CTNNA2: variants seen among roughly 807,000 people sequenced by gnomAD.
The protein encoded by CTNNA2 is catenin alpha 2, also known as catenin alpha-2.
CTNNA2 carries 42 observed loss-of-function variants against 101.0 expected under a neutral mutation model. The observed-to-expected ratio is 0.42, with a 90% CI of 0.32 to 0.54. The LOEUF is 0.54. Ranked by LOEUF, CTNNA2 falls within the 20% of genes least tolerant of loss-of-function variation. CTNNA2 has a pLI of 0.14. For synonymous variants in CTNNA2, 450 were observed against 456.4 expected (o/e 0.99, Z 0.18); for missense variants, 871 against 1,223.1 (o/e 0.71, Z 4.29).
intron 4 of CTNNA2, among the ~76,000 whole-genome samples, chr2:79,415,874 C>G (rs1227826021): frequency 6.6e-6 from 1 of 152,028 alleles, no homozygotes; most frequent in East Asian, 1.9e-4. Flanking sequence ...ATCAGTCTTA[C>G]AATTGGGGAA....
chr2:79,338,805 A>T (rs532133574), intron 3 of CTNNA2, among the ~76,000 whole-genome samples: 224 of 152,128 alleles, frequency 1.5e-3, no homozygotes, highest in African/African-American at 5.2e-3. Flanking sequence ...GGAGTGGTAA[A>T]ATCAACAGGA....
intron 7 of CTNNA2, among the ~76,000 whole-genome samples, chr2:80,244,319 TA>T (rs1671163180): frequency 6.6e-6 from 1 of 152,226 alleles, no homozygotes; most frequent in African/African-American, 2.4e-5. Context: ...AAATCTACCT[TA>T]GACGATTCTT....
intron 12 of CTNNA2, 102 bp from the exon 13 acceptor site, chr2:80,574,056 CACTTA>C: frequency 8.9e-7 from 1 of 1,121,468 alleles, no homozygotes. Context: ...TGTCTTGCTC[CACTTA>C]ACTTTTAGAA....
chr2:79,559,826 TACTA>T (rs1207055016), intron 1 of CTNNA2, among the ~76,000 whole-genome samples: 3 of 151,834 alleles, frequency 2.0e-5, no homozygotes, highest in African/African-American at 7.2e-5. Context: ...GATAAAATAA[TACTA>T]ACTATAACGA....
intron 2 of CTNNA2, among the ~76,000 whole-genome samples, chr2:79,278,216 T>C (rs1325787400): frequency 6.6e-6 from 1 of 152,082 alleles, no homozygotes; most frequent in Non-Finnish European, 1.5e-5. Flanking sequence ...TTACAGGAAC[T>C]GGCAAGAATG....
chr2:80,320,186 AACATAAAGTGAT>A (rs1284529103), intron 7 of CTNNA2, among the ~76,000 whole-genome samples: 1 of 152,250 alleles, frequency 6.6e-6, no homozygotes, highest in Non-Finnish European at 1.5e-5. Flanking sequence ...TAAGAAAATA[AACATAAAGTGAT>A]ACATACACAG....
At chr2:79,675,467 G>A (rs916780868) in intron 2 of CTNNA2, among the ~76,000 whole-genome samples, 4 of 152,128 alleles carry the variant, frequency 2.6e-5, no homozygotes, top group African/African-American at 4.8e-5. Flanking sequence ...AAACACTTTC[G>A]GGGGCTTGGG....
At chr2:79,395,578 T>C (rs550188533) in intron 4 of CTNNA2, among the ~76,000 whole-genome samples, 49 of 152,310 alleles carry the variant, frequency 3.2e-4, no homozygotes, top group African/African-American at 1.2e-3. Flanking sequence ...AATTTCTTAC[T>C]TTTCCATTAA....
At chr2:79,749,365 A>C (rs926059784) in intron 3 of CTNNA2, among the ~76,000 whole-genome samples, 5 of 152,288 alleles carry the variant, frequency 3.3e-5, no homozygotes, top group Middle Eastern at 3.4e-3. Flanking sequence ...AAGTAACAAA[A>C]ATAAATTGCC....
At chr2:79,882,153 TAG>T (rs1683478658) in intron 6 of CTNNA2, among the ~76,000 whole-genome samples, 1 of 152,178 alleles carries the variant, frequency 6.6e-6, no homozygotes, top group Admixed American at 6.5e-5. Context: ...TTCTGGCTTG[TAG>T]AGTTTCTGCT....
chr2:79,870,748 G>C (rs1682525109), intron 5 of CTNNA2, among the ~76,000 whole-genome samples: 3 of 152,146 alleles, frequency 2.0e-5, no homozygotes, highest in African/African-American at 7.2e-5. Flanking sequence ...GAGTGAGCAA[G>C]AGCAGGGAAA....
chr2:79,813,679 T>G (rs1677227160), intron 3 of CTNNA2, among the ~76,000 whole-genome samples: 1 of 152,140 alleles, frequency 6.6e-6, no homozygotes, highest in South Asian at 2.1e-4. Context: ...ATAATTTAAA[T>G]CACAGGAGCA....
rs1038534765 is a variant in CTNNA2 at position 79,416,646 on chromosome 2, C to T, written c.-135+42633C>T. ...CTTAATATAAAAACTCACTTACTTC[C>T]GGAAGGAATTAATCCTTGTCAATAA... is the stretch of plus-strand genomic sequence containing the variant. On this transcript the variant is annotated intron_variant, in intron 4 of 21. Coordinates refer to the CTNNA2 transcript ENST00000466387. Among the ~76,000 whole-genome samples, 4 of 152,098 alleles carry T rather than the reference C, an allele frequency of 2.6e-5. No individual in the cohort carries two copies. The South Asian group carries it at 6.2e-4, about 24-fold the overall frequency.
chr2:79,392,610 C>T (rs1328626931), intron 4 of CTNNA2, among the ~76,000 whole-genome samples: 1 of 151,802 alleles, frequency 6.6e-6, no homozygotes, highest in Non-Finnish European at 1.5e-5. Flanking sequence ...CTGTTTTTAT[C>T]TTTATTTTCC....
At chr2:79,508,640 T>C (rs1340351285), upstream of CTNNA2, among the ~76,000 whole-genome samples, 1 of 152,090 alleles carries the variant, frequency 6.6e-6, no homozygotes, top group Non-Finnish European at 1.5e-5. Flanking sequence ...ATATTAGAAG[T>C]ATTAATTAAA....
In CTNNA2 at chr2:79,744,343, A is replaced by G. The variant is rs150332729; in HGVS notation, c.103-44A>G. On this transcript the variant is annotated intron_variant, in intron 2 of 18. Transcript: ENST00000402739. ...TTATGAGATAACATGACATTTCTAG[A>G]CAGTTTTGCAAAGAAGTTTTACAGT... is the stretch of plus-strand genomic sequence containing the variant. 219 of 1,530,400 alleles carry G rather than the reference A, an allele frequency of 1.4e-4. 1 individual carries two copies. In the East Asian group the frequency reaches 4.7e-3, roughly 33 times the overall value. The allele number at this position is 1,530,400 out of a possible 1,614,324, so 94.8% of individuals were successfully genotyped here.
At chr2:79,570,016 T>G (rs1202060298) in intron 1 of CTNNA2, among the ~76,000 whole-genome samples, 1 of 152,118 alleles carries the variant, frequency 6.6e-6, no homozygotes, top group Admixed American at 6.5e-5. Context: ...CTTATAATAT[T>G]TAGAGAATTT....
intron 7 of CTNNA2, among the ~76,000 whole-genome samples, chr2:80,353,185 T>C (rs1673473800): frequency 6.6e-6 from 1 of 152,068 alleles, no homozygotes; most frequent in African/African-American, 2.4e-5. Context: ...GATTTAGATT[T>C]AGATTCTCCA....
chr2:79,383,326 T>A (rs1456715003), intron 4 of CTNNA2, among the ~76,000 whole-genome samples: 1 of 152,116 alleles, frequency 6.6e-6, no homozygotes, highest in African/African-American at 2.4e-5. Context: ...TCGGGGATAA[T>A]AAGGAACATA....
Sources: gnomAD v4.1 joint callset for allele counts (sites outside exome capture counted in the v4.1 genomes callset) on GRCh38, gnomAD v4.1.1 for gene constraint, MANE v1.5 for transcripts, NCBI Gene and HGNC (gene_info 2026-07-23, HGNC 2026-07-21) for gene names.